The following CTNNA2 variants were observed in gnomAD, a reference collection of about 807,000 sequenced individuals.
The protein encoded by CTNNA2 is catenin alpha 2.
Under a neutral mutation model 101.0 loss-of-function variants are expected in CTNNA2, and 42 were observed. That is an observed-to-expected ratio of 0.42 (90% confidence interval 0.32 to 0.54). The LOEUF (loss-of-function observed/expected upper bound fraction) is 0.54. CTNNA2 is among the 20% of genes least tolerant of loss of function. The probability of loss-of-function intolerance (pLI) is 0.14; values close to 1 mark genes in which losing one functional copy is unlikely to be tolerated. For synonymous variants in CTNNA2, 450 were observed against 456.4 expected (o/e 0.99, Z 0.18); for missense variants, 871 against 1,223.1 (o/e 0.71, Z 4.29).
chr2:80,592,010 C>G (rs567815908), intron 15 of CTNNA2, among the ~76,000 whole-genome samples: 1 of 152,046 alleles, frequency 6.6e-6, no homozygotes, highest in African/African-American at 2.4e-5. Context: ...AGAAAGAAAT[C>G]GCATGTTGCT....
At chr2:80,291,207 A>G (rs1675208239) in intron 7 of CTNNA2, among the ~76,000 whole-genome samples, 1 of 152,254 alleles carries the variant, frequency 6.6e-6, no homozygotes, top group African/African-American at 2.4e-5. Context: ...CCTTGGGGGA[A>G]GTTCATCGCT....
chr2:79,330,803 G>A lies in CTNNA2; in HGVS notation c.-318+18007G>A, dbSNP rs185976661. On this transcript the variant is annotated intron_variant, in intron 3 of 21. Transcript: ENST00000466387. The stretch of plus-strand genomic sequence containing the variant: ...TTCCCTTTTGTCCTCCACCATGATT[G>A]TGAGGCCTCCCCAGCCATGTGGAAC... Among the ~76,000 whole-genome samples, 600 of 152,254 alleles carry A rather than the reference G, an allele frequency of 3.9e-3. 6 individuals are homozygous for A. Among genetic ancestry groups the A allele is most frequent in the African/African-American group, 0.014 (582 of 41,558 alleles).
intron 7 of CTNNA2, among the ~76,000 whole-genome samples, chr2:80,230,202 G>A (rs1229738870): frequency 6.8e-6 from 1 of 146,814 alleles, no homozygotes; most frequent in Admixed American, 6.8e-5. Context: ...ATTCCCCATT[G>A]TTAAGCAATG....
At chr2:79,925,152 A>G (rs1209068924) in intron 7 of CTNNA2, among the ~76,000 whole-genome samples, 1 of 151,998 alleles carries the variant, frequency 6.6e-6, no homozygotes, top group Non-Finnish European at 1.5e-5. Context: ...ATTCCCATTT[A>G]TTTGTTGCAT....
intron 7 of CTNNA2, among the ~76,000 whole-genome samples, chr2:80,171,291 T>TA (rs1245133435): frequency 7.2e-5 from 11 of 152,174 alleles, no homozygotes; most frequent in Non-Finnish European, 1.2e-4. Flanking sequence ...CAGCCCTGAC[T>TA]AAAAATGAAG....
chr2:79,957,057 C>T (rs537985252), intron 7 of CTNNA2, among the ~76,000 whole-genome samples: 1 of 151,610 alleles, frequency 6.6e-6, no homozygotes, highest in African/African-American at 2.4e-5. Context: ...TCTTCTGTAA[C>T]TTCAGTGATA....
chr2:80,041,557 C>T (rs1228974695), intron 7 of CTNNA2, among the ~76,000 whole-genome samples: 1 of 152,100 alleles, frequency 6.6e-6, no homozygotes, highest in Non-Finnish European at 1.5e-5. Context: ...ACTTTTCCCC[C>T]TGACATGACT....
rs528028450 is a variant in CTNNA2, at chr2:79,704,638, A to G, written c.103-39749A>G. 4.5e-3 allele frequency among the ~76,000 whole-genome samples: 665 copies of G among 149,430 alleles called. 6 individuals carry two copies. The highest frequency in any genetic ancestry group is 0.015 in the African/African-American group (607 of 40,564). ...CGCCATTCTCCTGCCTCAGCCTCCC[A>G]AGTAGCTGGGACTACAGGCACCCGC... On this transcript the variant is annotated intron_variant, in intron 2 of 18. Transcript: ENST00000402739.
At chr2:80,002,138 G>A (rs563017694) in intron 7 of CTNNA2, among the ~76,000 whole-genome samples, 2 of 152,256 alleles carry the variant, frequency 1.3e-5, no homozygotes, top group East Asian at 1.9e-4. Flanking sequence ...TTTAAGAAAT[G>A]CAATGGTTGA....
chr2:80,323,609 T>C (rs952576829), intron 7 of CTNNA2, among the ~76,000 whole-genome samples: 1 of 152,110 alleles, frequency 6.6e-6, no homozygotes, highest in Non-Finnish European at 1.5e-5. Flanking sequence ...TTTCTCTCTG[T>C]ACTTTCATCC....
Position 79,696,310 on chromosome 2 carries a change from A to G in CTNNA2, c.102+44652A>G, listed in dbSNP as rs183824919. 3.9e-5 allele frequency among the ~76,000 whole-genome samples: 6 copies of G among 152,190 alleles called. No homozygotes were observed. In the East Asian group the frequency reaches 9.7e-4, roughly 25 times the overall value. On this transcript the variant is annotated intron_variant, in intron 2 of 18. Coordinates refer to ENST00000402739, the MANE Select transcript of CTNNA2 (RefSeq NM_001282597.3). ...ATTCAGAGACCTTTGTTGTGCCACAATGCTTTTTGCAGTCTCCACTGATTT... is the reference window on the plus strand; with the variant it reads ...ATTCAGAGACCTTTGTTGTGCCACAGTGCTTTTTGCAGTCTCCACTGATTT...
intron 7 of CTNNA2, among the ~76,000 whole-genome samples, chr2:80,049,437 A>C (rs1696729958): frequency 6.6e-6 from 1 of 152,232 alleles, no homozygotes; most frequent in Admixed American, 6.5e-5. Context: ...ACAAGTAAAA[A>C]TTATCATACA....
intron 2 of CTNNA2, chr2:79,281,608 T>G (rs1675385900): frequency 6.6e-6 from 1 of 152,202 alleles, no homozygotes. Context: ...GCTGTAGTGT[T>G]TGACATCACC....
intron 7 of CTNNA2, among the ~76,000 whole-genome samples, chr2:80,163,355 C>A (rs1268175719): frequency 6.6e-6 from 1 of 151,992 alleles, no homozygotes. Flanking sequence ...TTGAGATTTT[C>A]TCTTTGATCC....
At chr2:79,689,558 A>T (rs1684153411) in intron 2 of CTNNA2, among the ~76,000 whole-genome samples, 1 of 152,064 alleles carries the variant, frequency 6.6e-6, no homozygotes, top group African/African-American at 2.4e-5. Context: ...TGCAGTTAAT[A>T]CACAGTGTAT....
chr2:80,056,799 A>G (rs1264085896), intron 7 of CTNNA2, among the ~76,000 whole-genome samples: 2 of 152,310 alleles, frequency 1.3e-5, no homozygotes, highest in Admixed American at 6.5e-5. Flanking sequence ...CCCACCCACC[A>G]TGAAGTGCAG....
intron 2 of CTNNA2, among the ~76,000 whole-genome samples, chr2:79,723,627 T>C (rs569517499): frequency 9.2e-5 from 14 of 152,306 alleles, no homozygotes; most frequent in Admixed American, 5.2e-4. Flanking sequence ...TTAAGCATAA[T>C]CGAATCAGTA....
intron 7 of CTNNA2, among the ~76,000 whole-genome samples, chr2:80,062,830 C>T (rs925038359): frequency 4.0e-5 from 6 of 151,780 alleles, no homozygotes; most frequent in African/African-American, 9.7e-5. Context: ...CTTAGCCTCC[C>T]GAGTAGCTGG....
At chr2:79,379,374 A>G (rs1463926665) in intron 4 of CTNNA2, among the ~76,000 whole-genome samples, 1 of 152,146 alleles carries the variant, frequency 6.6e-6, no homozygotes, top group Non-Finnish European at 1.5e-5. Flanking sequence ...ACATGTAGAA[A>G]TCTCCAAGAA....
Sources: gnomAD v4.1 joint callset for allele counts (sites outside exome capture counted in the v4.1 genomes callset) on GRCh38, gnomAD v4.1.1 for gene constraint, MANE v1.5 for transcripts, NCBI Gene and HGNC (gene_info 2026-07-23, HGNC 2026-07-21) for gene names.